Variants in NPAS2 observed in about 807,000 individuals in gnomAD.
NPAS2 encodes neuronal PAS domain protein 2, also known as neuronal PAS domain-containing protein 2.
In NPAS2, 23 loss-of-function variants were observed where a neutral mutation model predicts 107.5. That is an observed-to-expected ratio of 0.21 (90% CI 0.15 to 0.30). The LOEUF (loss-of-function observed/expected upper bound fraction) is 0.30. NPAS2 is among the 10% of genes least tolerant of loss of function. The pLI, the probability that NPAS2 is intolerant of heterozygous loss-of-function variation, is 1.00. For synonymous variants in NPAS2, 403 were observed against 417.5 expected (o/e 0.97, Z 0.42); for missense variants, 756 against 1,043.3 (o/e 0.72, Z 3.79).
chr2:100,963,397 T>C (rs1005286294), intron 7 of NPAS2, among the ~76,000 whole-genome samples: 9 of 151,518 alleles, frequency 5.9e-5, no homozygotes, highest in African/African-American at 2.2e-4. Context: ...TTTGTTTGTT[T>C]TGTTTTGTTT....
chr2:100,900,050 A>T (rs1188464309), intron 1 of NPAS2, among the ~76,000 whole-genome samples: 1 of 152,236 alleles, frequency 6.6e-6, no homozygotes, highest in African/African-American at 2.4e-5. Context: ...GGTGGCAAAT[A>T]TATTTTAGAA....
intron 5 of NPAS2, among the ~76,000 whole-genome samples, chr2:100,939,015 C>A (rs1241678005): frequency 6.6e-6 from 1 of 152,138 alleles, no homozygotes; most frequent in Non-Finnish European, 1.5e-5. Flanking sequence ...CCGCGGTTCC[C>A]TCTCCTTAGC....
intron 2 of NPAS2, among the ~76,000 whole-genome samples, chr2:100,919,404 T>G (rs546490213): frequency 1.8e-4 from 28 of 152,216 alleles, no homozygotes; most frequent in Middle Eastern, 6.8e-3. Context: ...AAAAAAACGT[T>G]TTAAAGCACC....
intron 1 of NPAS2, among the ~76,000 whole-genome samples, chr2:100,855,334 T>A (rs925546355): frequency 6.6e-6 from 1 of 152,200 alleles, no homozygotes; most frequent in African/African-American, 2.4e-5. Context: ...ACAATTCTCC[T>A]AACTTGCTTA....
intron 1 of NPAS2, among the ~76,000 whole-genome samples, chr2:100,846,490 A>G (rs1558802290): frequency 6.6e-6 from 1 of 152,196 alleles, no homozygotes; most frequent in Non-Finnish European, 1.5e-5. Flanking sequence ...AGGAGTTAAA[A>G]GAGTGTTTTT....
chr2:100,985,067 A>G (rs1295379591), intron 16 of NPAS2: 1 of 152,282 alleles, frequency 6.6e-6, no homozygotes. Context: ...AGGAATGCCT[A>G]GAAGGACACC....
rs1217277142 is a variant in NPAS2, at chr2:100,886,372, G to A, written c.-22-18361G>A. Among the ~76,000 whole-genome samples, 7 of 152,332 alleles carry A rather than the reference G, an allele frequency of 4.6e-5. No individual in the cohort carries two copies. The East Asian group carries it at 1.3e-3, about 29-fold the overall frequency. ...GCACATAAAAGGACTTGCTCTGCAGGCTCCCTGGTAGCTGGTGAATATCTT... is the reference window on the plus strand; with the variant it reads ...GCACATAAAAGGACTTGCTCTGCAGACTCCCTGGTAGCTGGTGAATATCTT... On this transcript the variant is annotated intron_variant, in intron 1 of 20. Transcript: ENST00000335681.
chr2:100,989,012 C>G, intron 17 of NPAS2: 1 of 247,752 alleles, frequency 4.0e-6, no homozygotes. Context: ...CTCCTCCAGG[C>G]CCCCCAGACT....
At position 100,951,924 on chromosome 2, in the gene NPAS2, C is replaced by T. The variant is rs183250508; in HGVS notation, c.598+2444C>T. On this transcript the variant is annotated intron_variant, in intron 7 of 20. Transcript: ENST00000335681. ...CAGCACTTTGGGAGGCCGAGGCGGG[C>T]GGATCACGAGGTCAGGAGATCGAGA... is the stretch of plus-strand genomic sequence containing the variant. Among the ~76,000 whole-genome samples the T allele has an allele frequency of 4.8e-3, 725 of 152,012 alleles. 10 individuals carry two copies. The highest frequency in any genetic ancestry group is 0.045 in the East Asian group (230 of 5,154).
chr2:100,968,275 C>T lies in NPAS2; in HGVS notation c.908-6C>T, dbSNP rs115806641. 15,266 of 1,613,198 alleles carry T rather than the reference C, an allele frequency of 9.5e-3. 94 individuals carry two copies. Among genetic ancestry groups the T allele is most frequent in the South Asian group, 0.012 (1,108 of 91,014 alleles). On this transcript the variant is annotated splice_polypyrimidine_tract_variant and splice_region_variant and intron_variant, in intron 10 of 20. Coordinates refer to ENST00000335681, the MANE Select transcript of NPAS2 (RefSeq NM_002518.4). The surrounding 1 kb of genome is among the most constrained non-coding windows in gnomAD (Gnocchi z 5.3). ...GTTATATGCGGAATCCATTTTCTAC[C>T]GACAGTGATGCAGTTTGGCAAAGGG... is the stretch of plus-strand genomic sequence containing the variant.
At chr2:100,855,794 C>G (rs993182039) in intron 1 of NPAS2, among the ~76,000 whole-genome samples, 2 of 152,198 alleles carry the variant, frequency 1.3e-5, no homozygotes, top group South Asian at 2.1e-4. Context: ...GATGGTAGCA[C>G]CAGCTTCAGC....
intron 20 of NPAS2, 99 bp downstream of exon 20, chr2:100,993,626 G>T: frequency 1.0e-6 from 1 of 980,088 alleles, no homozygotes; most frequent in East Asian, 2.8e-5. Flanking sequence ...TGCTTTCAAG[G>T]TTGTTCTATC....
chr2:100,984,665 A>G (rs1047623168), intron 16 of NPAS2: 1 of 151,584 alleles, frequency 6.6e-6, no homozygotes, highest in African/African-American at 2.4e-5. Context: ...AGTTGACCTC[A>G]GAGCCCTTTT....
intron 1 of NPAS2, among the ~76,000 whole-genome samples, chr2:100,857,340 G>A (rs1236949808): frequency 1.3e-5 from 2 of 149,652 alleles, no homozygotes; most frequent in East Asian, 2.0e-4. Context: ...CCCTGAGATC[G>A]CCCCTGAGCT....
intron 3 of NPAS2, among the ~76,000 whole-genome samples, chr2:100,929,776 G>T (rs1328130599): frequency 2.0e-5 from 3 of 152,118 alleles, no homozygotes; most frequent in Non-Finnish European, 4.4e-5. Flanking sequence ...AAGGCCCCCA[G>T]GTGATTCCGG....
At position 100,993,419 on chromosome 2, in the gene NPAS2, C is replaced by T. The variant is rs780644871; in HGVS notation, c.2184C>T (p.Pro728=). The change falls in exon 20 of 21, where the codon CCC becomes CCT. Residue 728 remains proline (P), a synonymous_variant. Coordinates refer to ENST00000335681, the MANE Select transcript of NPAS2 (RefSeq NM_002518.4). ...CCAACAGCAGCAGCGCCCCGATGCC[C>T]GTCCTGCTGATGGGGCAGGCGGTGC... The part of the protein sequence containing the change: ...HPANSSSAPM[P]VLLMGQAVLH... 5.6e-6 allele frequency: 9 copies of T among 1,613,518 alleles called. No individual in the cohort carries two copies. In the East Asian group the frequency reaches 8.9e-5, roughly 16 times the overall value.
chr2:100,949,771 C>T (rs945494127), intron 7 of NPAS2, among the ~76,000 whole-genome samples: 5 of 152,166 alleles, frequency 3.3e-5, no homozygotes, highest in African/African-American at 7.2e-5. Context: ...TGAGAAACAA[C>T]ATACAGGGAA....
intron 17 of NPAS2, chr2:100,989,403 G>T (rs1677980520): frequency 6.6e-6 from 1 of 152,220 alleles, no homozygotes; most frequent in Non-Finnish European, 1.5e-5. Context: ...TAAGGGTTTT[G>T]CTTGAAAATA....
At chr2:100,852,117 C>T (rs1678213489) in intron 1 of NPAS2, among the ~76,000 whole-genome samples, 1 of 152,142 alleles carries the variant, frequency 6.6e-6, no homozygotes. Flanking sequence ...AAGTTTTTGG[C>T]CGGGCACGGT....
Sources: gnomAD v4.1 joint callset for allele counts (sites outside exome capture counted in the v4.1 genomes callset) on GRCh38, gnomAD v4.1.1 for gene constraint, Gnocchi (gnomAD v3.1) non-coding constraint, MANE v1.5 for transcripts, NCBI Gene and HGNC (gene_info 2026-07-23, HGNC 2026-07-21) for gene names.